LETM2: variants seen among roughly 807,000 people sequenced by gnomAD.
LETM2 encodes the protein leucine zipper and EF-hand containing transmembrane protein 2.
In LETM2, 58 loss-of-function variants were observed where a neutral mutation model predicts 59.6. The observed-to-expected ratio is 0.97, with a 90% CI of 0.79 to 1.21. The LOEUF (loss-of-function observed/expected upper bound fraction) is 1.21. Among genes scored for constraint, LETM2 ranks in the 50% most tolerant of loss-of-function variants. The probability of loss-of-function intolerance (pLI) is 0.00; values close to 1 mark genes in which losing one functional copy is unlikely to be tolerated. For synonymous variants in LETM2, 199 were observed against 214.1 expected, an observed-to-expected ratio of 0.93 and a Z score of 0.62; for missense variants, 572 against 575.7, an observed-to-expected ratio of 0.99 and a Z score of 0.07.
upstream of LETM2, chr8:38,383,282 A>C (rs1811651561): frequency 6.6e-6 from 1 of 152,362 alleles, no homozygotes; most frequent in African/African-American, 2.4e-5. Context: ...AAGTGTGTGC[A>C]CAGTGATCTG....
chr8:38,397,861 C>G (rs546014440), intron 4 of LETM2, among the ~76,000 whole-genome samples: 2 of 152,016 alleles, frequency 1.3e-5, no homozygotes, highest in African/African-American at 4.8e-5. Context: ...ACTTGAAGGC[C>G]GGGCGTGGTG....
chr8:38,401,434 G>A (rs190866515), intron 6 of LETM2: 114 of 224,764 alleles, frequency 5.1e-4, no homozygotes, highest in African/African-American at 2.3e-3. Flanking sequence ...CCATGCCTGG[G>A]TAGAAGTGCA....
intron 2 of LETM2, among the ~76,000 whole-genome samples, chr8:38,388,505 T>C (rs1811954306): frequency 2.0e-5 from 3 of 150,664 alleles, no homozygotes; most frequent in Admixed American, 2.0e-4. Context: ...GCGGATTGCC[T>C]GAGGTCAGGA....
upstream of LETM2, chr8:38,383,563 A>C (rs1001808374): frequency 4.1e-4 from 63 of 152,180 alleles, 1 homozygote; most frequent in Non-Finnish European, 2.9e-5. Context: ...ATTTCTACAG[A>C]TCAGTTATTT....
intron 6 of LETM2, 127 bp downstream of exon 6, chr8:38,401,180 C>A: frequency 2.6e-6 from 2 of 765,374 alleles, no homozygotes; most frequent in Non-Finnish European, 4.2e-6. Context: ...CTTGCTCTGT[C>A]ACCCAGGCTG....
intron 7 of LETM2, among the ~76,000 whole-genome samples, chr8:38,403,668 T>C (rs1480390705): frequency 6.6e-6 from 1 of 152,236 alleles, no homozygotes; most frequent in African/African-American, 2.4e-5. Context: ...TTACCAGCCA[T>C]GGTGTGGCTT....
chr8:38,384,055 AAC>A (rs1019239854), upstream of LETM2, among the ~76,000 whole-genome samples: 1 of 152,250 alleles, frequency 6.6e-6, no homozygotes, highest in African/African-American at 2.4e-5. Context: ...GACATTTTAA[AAC>A]ACAGATGGCC....
intron 2 of LETM2, among the ~76,000 whole-genome samples, chr8:38,390,623 GAAA>G (rs766904780): frequency 6.7e-5 from 3 of 44,878 alleles, no homozygotes; most frequent in African/African-American, 8.9e-5. Context: ...CTCTGTCTCA[GAAA>G]AAAAAAAAAA....
chr8:38,400,765 G>T (rs1189011307), intron 5 of LETM2, 88 bp from the exon 6 acceptor site: 2 of 1,161,918 alleles, frequency 1.7e-6, no homozygotes, highest in African/African-American at 3.1e-5. Flanking sequence ...TCCCATAAAT[G>T]CTTTGATGTC....
In LETM2 at chr8:38,400,956, C is replaced by T. The variant is rs1309218706; in HGVS notation, c.887C>T (p.Ala296Val). ...CACTTAGATCGCCCTCAGCTGGTTG[C>T]CCTTTGCAAACTGCTGGAATTGCAG... ...LEHLDRPQLVALCKLLELQTF... is the reference protein window; with the variant it reads ...LEHLDRPQLVVLCKLLELQTF... Residue 296 changes from alanine to valine, a missense_variant, in exon 6 of 11, where the codon GCC becomes GTC. Coordinates refer to ENST00000379957, the MANE Select transcript of LETM2 (RefSeq NM_001286819.2). 6 of 1,613,994 alleles carry T rather than the reference C, an allele frequency of 3.7e-6. No homozygotes were observed. In the Admixed American group the frequency reaches 6.7e-5, roughly 18 times the overall value.
chr8:38,407,647 C>CAA (rs3215418), intron 10 of LETM2, among the ~76,000 whole-genome samples, 184 bp downstream of exon 10: 29,814 of 147,478 alleles, frequency 0.2, 3,300 homozygotes, highest in East Asian at 0.34. Flanking sequence ...TTCAACTATC[C>CAA]AAAAAAAAAA....
rs781043985 is a variant in LETM2 at position 38,406,980 on chromosome 8, C to T, written c.1253C>T (p.Thr418Ile). The T allele has an allele frequency of 1.2e-6, 2 of 1,611,832 alleles. No individual in the cohort carries two copies. Among genetic ancestry groups the T allele is most frequent in the Non-Finnish European group, 1.7e-6 (2 of 1,178,060 alleles). The change falls in exon 9 of 11, where the codon ACT becomes ATT. Residue 418 changes from threonine (T) to isoleucine (I), a missense_variant. By Grantham distance (89) the Thr-to-Ile change is moderately conservative. Coordinates refer to ENST00000379957, the MANE Select transcript of LETM2 (RefSeq NM_001286819.2). ...ACTGATATTCTTGTGGAATTACCTA[C>T]TTTCACTGAATCTAAAGAGAACATG... ...PKTDILVELP[T>I]FTESKENMVD...
Position 38,402,580 on chromosome 8 carries a change from G to A in LETM2, c.1040G>A (p.Cys347Tyr), listed in dbSNP as rs200034574. The change falls in exon 7 of 11, where the codon TGT (cysteine) becomes TAT (tyrosine). Residue 347 changes from cysteine (C) to tyrosine (Y), a missense_variant. By Grantham distance (194) the Cys-to-Tyr change is radical. Transcript: ENST00000379957. ...AGTGTATCAGAACTACAGGCTGCCT[G>A]TAGGGCCCGAGGGATGAGATCACTG... ...ALSVSELQAA[C>Y]RARGMRSLGL... 3 of 1,614,030 alleles carry A rather than the reference G, an allele frequency of 1.9e-6. No homozygotes were observed. The highest frequency in any genetic ancestry group is 2.2e-5 in the East Asian group (1 of 44,900).
Position 38,402,656 on chromosome 8 carries a change from C to G in LETM2, c.1104+12C>G. On this transcript the variant is annotated intron_variant, in intron 7 of 10. Coordinates refer to ENST00000379957, the MANE Select transcript of LETM2 (RefSeq NM_001286819.2). ...AACAGCTCACGGAGGCAAGTAGCAG[C>G]GCCCCTCTGGGGTCCTCTTCCCTAG... is the stretch of plus-strand genomic sequence containing the variant. The G allele has an allele frequency of 1.2e-6, 2 of 1,613,640 alleles. No individual in the cohort carries two copies. The highest frequency in any genetic ancestry group is 1.7e-6 in the Non-Finnish European group (2 of 1,179,702).
intron 2 of LETM2, among the ~76,000 whole-genome samples, chr8:38,389,202 ATTATTTAT>A (rs372262355): frequency 3.0e-4 from 45 of 151,338 alleles, no homozygotes; most frequent in South Asian, 6.2e-4. Context: ...GTCTGTTACC[ATTATTTAT>A]TTATTTATTT....
intron 8 of LETM2, among the ~76,000 whole-genome samples, chr8:38,405,853 T>C (rs1451407236): frequency 1.3e-5 from 2 of 152,246 alleles, no homozygotes; most frequent in Non-Finnish European, 2.9e-5. Context: ...TTTATCCAGA[T>C]GTTGCTTTCT....
chr8:38,393,049 G>A, intron 3 of LETM2, 54 bp downstream of exon 3: 1 of 1,416,250 alleles, frequency 7.1e-7, no homozygotes, highest in South Asian at 1.3e-5. Context: ...TGAACTATTT[G>A]GGAACTCAAC....
intron 5 of LETM2, 113 bp from the exon 6 acceptor site, chr8:38,400,740 A>G: frequency 1.1e-6 from 1 of 942,648 alleles, no homozygotes; most frequent in Non-Finnish European, 1.6e-6. Flanking sequence ...GCCGATTTCC[A>G]GATGTCAGAC....
chr8:38,409,177 G>C lies in LETM2; in HGVS notation c.*903G>C, dbSNP rs1029534719. ...ATAATAGATAGACTGCCATGCAGCT[G>C]ACCAAGGGCTTTCTTCCCCTGGGGA... On this transcript the variant is annotated 3_prime_UTR_variant, in exon 11 of 11. Coordinates refer to ENST00000379957, the MANE Select transcript of LETM2 (RefSeq NM_001286819.2). The C allele has an allele frequency of 1.3e-5, 2 of 152,210 alleles. No individual in the cohort carries two copies. The highest frequency in any genetic ancestry group is 4.8e-5 in the African/African-American group (2 of 41,444). 9.4% of individuals were successfully genotyped at this position (152,210 alleles called of 1,614,324 possible).
Sources: allele counts gnomAD v4.1 joint callset (sites outside exome capture counted in the v4.1 genomes callset), GRCh38; gene constraint gnomAD v4.1.1; transcripts MANE v1.5; gene names NCBI Gene and HGNC (gene_info 2026-07-23, HGNC 2026-07-21).